ERC2: variants seen among roughly 807,000 people sequenced by gnomAD.
ERC2 encodes ELKS/RAB6-interacting/CAST family member 2.
A neutral mutation model predicts 114.8 loss-of-function variants in ERC2; 42 were observed. The observed-to-expected ratio is 0.37, with a 90% CI of 0.29 to 0.47. ERC2 has a LOEUF of 0.47. Among genes scored for constraint, ERC2 ranks in the 20% least tolerant of loss-of-function variants. The pLI is 0.99. For synonymous variants in ERC2, 454 were observed against 425.5 expected, an observed-to-expected ratio of 1.07 and a Z score of -0.82; for missense variants, 939 against 1,150.7, an observed-to-expected ratio of 0.82 and a Z score of 2.66.
chr3:55,846,477 T>C (rs1019916510), intron 14 of ERC2, among the ~76,000 whole-genome samples: 1 of 152,204 alleles, frequency 6.6e-6, no homozygotes. Flanking sequence ...CATGCCTCTA[T>C]GGTAGAAAGA....
chr3:55,955,251 TG>T, intron 12 of ERC2: 3 of 34,798 alleles, frequency 8.6e-5, no homozygotes, highest in South Asian at 1.5e-4. Context: ...GGTGTGTTTG[TG>T]TGTGTGTGTG....
chr3:56,438,796 C>T (rs917186924), intron 1 of ERC2, among the ~76,000 whole-genome samples: 6 of 152,164 alleles, frequency 3.9e-5, no homozygotes, highest in Admixed American at 6.5e-5. Context: ...AAAATTTACA[C>T]GCACACAGAT....
intron 4 of ERC2, among the ~76,000 whole-genome samples, 181 bp downstream of exon 4, chr3:56,173,265 C>T (rs1326968323): frequency 6.6e-6 from 1 of 152,020 alleles, no homozygotes; most frequent in Non-Finnish European, 1.5e-5. Flanking sequence ...GAAAAGGCAT[C>T]CTAATTAAAG....
At chr3:55,901,121 C>A (rs1451405616) in intron 13 of ERC2, among the ~76,000 whole-genome samples, 1 of 152,190 alleles carries the variant, frequency 6.6e-6, no homozygotes. Context: ...CCAACAAATG[C>A]GTGGATGAAC....
intron 2 of ERC2, among the ~76,000 whole-genome samples, chr3:56,390,641 A>G (rs2060095671): frequency 6.6e-6 from 1 of 152,204 alleles, no homozygotes; most frequent in Non-Finnish European, 1.5e-5. Flanking sequence ...CAATAGCTGG[A>G]TATACAGAAA....
rs1310851552 is a variant in ERC2, at chr3:56,434,421, A to G, written c.587T>C (p.Leu196Ser). 7 of 1,613,956 alleles carry G rather than the reference A, an allele frequency of 4.3e-6. No individual in the cohort carries two copies. Among genetic ancestry groups the G allele is most frequent in the Non-Finnish European group, 5.9e-6 (7 of 1,179,890 alleles). The change falls in exon 2 of 18, where the codon TTG (leucine) becomes TCG (serine). Residue 196 changes from leucine (L) to serine (S), a missense_variant. By Grantham distance (145) the Leu-to-Ser change is moderately radical (BLOSUM62 -2). Around this residue, in one of 5 missense-constraint regions of ERC2, gnomAD observed 281 missense variants for 307.4 expected, o/e 0.91. Transcript: ENST00000288221. ...CATCCGCGCTGCCTCTTCTTTCCTC[A>G]AGACTCTCTCCTTCTTAAGCTCAGG... is the stretch of plus-strand genomic sequence containing the variant. ...WSPELKKERVLRKEEAARMSV... is the reference protein window; with the variant it reads ...WSPELKKERVSRKEEAARMSV...
At chr3:56,396,521 C>G (rs2060312019) in intron 2 of ERC2, among the ~76,000 whole-genome samples, 1 of 151,968 alleles carries the variant, frequency 6.6e-6, no homozygotes, top group South Asian at 2.1e-4. Context: ...ATGTATTGTT[C>G]AACAAAAAAG....
chr3:56,262,010 C>T (rs1475074192), intron 3 of ERC2, among the ~76,000 whole-genome samples: 2 of 152,130 alleles, frequency 1.3e-5, no homozygotes, highest in African/African-American at 2.4e-5. Flanking sequence ...TAAGGGCCTC[C>T]AGCTCCATCC....
At chr3:55,698,888 A>G (rs1161959228) in intron 16 of ERC2, among the ~76,000 whole-genome samples, 6 of 152,188 alleles carry the variant, frequency 3.9e-5, no homozygotes, top group African/African-American at 1.4e-4. Flanking sequence ...GTCCAAATCA[A>G]ATAAACCAGA....
In ERC2 at chr3:56,446,622, T is replaced by TTC. The variant is rs1553634705; in HGVS notation, c.-140-11476_-140-11475insGA. Among the ~76,000 whole-genome samples, 360 of 112,308 alleles carry TTC rather than the reference T, an allele frequency of 3.2e-3. 3 individuals are homozygous for TTC. The highest frequency in any genetic ancestry group is 0.012 in the African/African-American group (330 of 26,690). 73.7% of individuals were successfully genotyped at this position (112,308 alleles called of 152,430 possible). ...GGGCGCATTTTCTTCTTTTTTTTTT[T>TTC]TTCTTTCTTTTTTTTTTTTTTGAGA... On this transcript the variant is annotated intron_variant, in intron 1 of 17. Transcript: ENST00000288221.
At position 55,530,955 on chromosome 3, in the gene ERC2, G is replaced by A. The variant is rs61168268; in HGVS notation, c.*40-19679C>T. On this transcript the variant is annotated intron_variant, in intron 17 of 17. Transcript: ENST00000288221. Reference sequence around the variant, plus strand: ...GGAATAATTTGATCGGGAGGTCATCGCACAGGGCTCCAGAGCCCAACTGAC... The same window carrying A: ...GGAATAATTTGATCGGGAGGTCATCACACAGGGCTCCAGAGCCCAACTGAC... 6.4e-3 allele frequency among the ~76,000 whole-genome samples: 979 copies of A among 152,304 alleles called. 11 individuals carry two copies. Among genetic ancestry groups the A allele is most frequent in the African/African-American group, 0.022 (916 of 41,572 alleles).
At chr3:55,776,465 G>C (rs1038389456) in intron 14 of ERC2, among the ~76,000 whole-genome samples, 1 of 152,204 alleles carries the variant, frequency 6.6e-6, no homozygotes, top group African/African-American at 2.4e-5. Context: ...GCTGAGTGGA[G>C]ACGATGGGAC....
chr3:56,086,014 C>A (rs559720194), intron 6 of ERC2, among the ~76,000 whole-genome samples: 1 of 152,218 alleles, frequency 6.6e-6, no homozygotes, highest in South Asian at 2.1e-4. Context: ...GAAAAAGACA[C>A]TCTGTAATCA....
intron 1 of ERC2, among the ~76,000 whole-genome samples, chr3:56,466,635 G>C (rs139648280): frequency 6.6e-6 from 1 of 152,172 alleles, no homozygotes; most frequent in African/African-American, 2.4e-5. Flanking sequence ...CTGCAAAAGA[G>C]AACAAGGCAG....
intron 10 of ERC2, among the ~76,000 whole-genome samples, chr3:56,005,951 C>T (rs1324298789): frequency 6.6e-6 from 1 of 151,960 alleles, no homozygotes; most frequent in Non-Finnish European, 1.5e-5. Flanking sequence ...ATTTAAACAC[C>T]CTCAAATGGG....
At chr3:55,687,234 C>T (rs1161819744) in intron 16 of ERC2, among the ~76,000 whole-genome samples, 1 of 152,092 alleles carries the variant, frequency 6.6e-6, no homozygotes, top group Non-Finnish European at 1.5e-5. Context: ...TGTGGGGGGG[C>T]ATTTATTAGC....
intron 14 of ERC2, among the ~76,000 whole-genome samples, chr3:55,827,299 G>GAGAA (rs148957184): frequency 0.17 from 25,566 of 150,478 alleles, 2,418 homozygotes; most frequent in Middle Eastern, 0.23. Context: ...AAAAAAGGAA[G>GAGAA]AGAAAGAAAG....
At chr3:55,667,530 A>G (rs1324644831) in intron 17 of ERC2, among the ~76,000 whole-genome samples, 2 of 152,188 alleles carry the variant, frequency 1.3e-5, no homozygotes, top group African/African-American at 4.8e-5. Flanking sequence ...GCCATTCATC[A>G]TCCTGAGACT....
chr3:55,998,870 G>A (rs1203138454), intron 10 of ERC2, among the ~76,000 whole-genome samples: 2 of 152,130 alleles, frequency 1.3e-5, no homozygotes, highest in African/African-American at 4.8e-5. Context: ...AGAAGAGATA[G>A]GATTTCAAAT....
Sources: allele counts gnomAD v4.1 joint callset (sites outside exome capture counted in the v4.1 genomes callset), GRCh38; gene constraint gnomAD v4.1.1; regional missense constraint gnomAD v4.1.1; transcripts MANE v1.5; gene names NCBI Gene and HGNC (gene_info 2026-07-23, HGNC 2026-07-21).